Variants in TMEM167B observed in about 807,000 individuals in gnomAD.
TMEM167B encodes the protein transmembrane protein 167B, also known as protein kish-B.
TMEM167B carries 2 observed loss-of-function variants against 9.4 expected under a neutral mutation model. That is an observed-to-expected ratio of 0.21 (90% confidence interval 0.09 to 0.67). The LOEUF is 0.67. Among genes scored for constraint, TMEM167B ranks in the 30% least tolerant of loss-of-function variants. TMEM167B has a pLI of 0.82. For synonymous variants in TMEM167B, 28 were observed against 32.0 expected, an observed-to-expected ratio of 0.87 and a Z score of 0.42; for missense variants, 68 against 87.6, an observed-to-expected ratio of 0.78 and a Z score of 0.89.
chr1:109,094,490 T>A lies in TMEM167B; in HGVS notation c.216T>A (p.Phe72Leu), dbSNP rs1570558559. The part of the protein sequence containing the change: ...ACVVMAFYVL[F>L]IK ...TTGTAATGGCCTTTTACGTCCTGTT[T>A]ATAAAATGAATTCCAAAGCACCCAA... Residue 72 changes from phenylalanine to leucine, a missense_variant, in exon 3 of 3, where the codon TTT becomes TTA. Physicochemically the swap from Phe to Leu is conservative, Grantham distance 22. Coordinates refer to ENST00000338272, the MANE Select transcript of TMEM167B (RefSeq NM_020141.4). The A allele has an allele frequency of 6.2e-7, 1 of 1,613,930 alleles. No homozygotes were observed.
intron 1 of TMEM167B, among the ~76,000 whole-genome samples, chr1:109,091,140 C>T (rs557163341): frequency 6.6e-6 from 1 of 152,264 alleles, no homozygotes; most frequent in East Asian, 1.9e-4. Flanking sequence ...TTTTCTTTTT[C>T]TTAGTTCTTT....
At chr1:109,091,084 C>T (rs374289921) in intron 1 of TMEM167B, among the ~76,000 whole-genome samples, 77 of 152,192 alleles carry the variant, frequency 5.1e-4, no homozygotes, top group African/African-American at 1.8e-3. Context: ...CCCAGTGCCT[C>T]TTATGCTCAC....
At chr1:109,092,064 G>T (rs1413965336) in intron 1 of TMEM167B, among the ~76,000 whole-genome samples, 1 of 152,102 alleles carries the variant, frequency 6.6e-6, no homozygotes, top group African/African-American at 2.4e-5. Flanking sequence ...ATATCTTCTT[G>T]TTTTTTGCAA....
In TMEM167B at chr1:109,095,373, A is replaced by G. The variant is rs1297960325; in HGVS notation, c.*874A>G. On this transcript the variant is annotated 3_prime_UTR_variant, in exon 3 of 3. Transcript: ENST00000338272. ...GCCACGACTAGGGGAAAAAGAAACT[A>G]TTGAAGAAATAATTGTTTAGTATAT... 3.9e-5 allele frequency: 6 copies of G among 152,202 alleles called. No individual in the cohort carries two copies. Among genetic ancestry groups the G allele is most frequent in the African/African-American group, 2.4e-5 (1 of 41,446 alleles). The allele number at this position is 152,202 out of a possible 1,614,324, so 9.4% of individuals were successfully genotyped here.
chr1:109,091,335 C>A (rs1221898929), intron 1 of TMEM167B, among the ~76,000 whole-genome samples: 2 of 152,166 alleles, frequency 1.3e-5, no homozygotes, highest in African/African-American at 2.4e-5. Flanking sequence ...GTAGACCCCA[C>A]AAAAGCTTCT....
At chr1:109,092,286 G>C (rs1191792284) in intron 1 of TMEM167B, among the ~76,000 whole-genome samples, 1 of 152,112 alleles carries the variant, frequency 6.6e-6, no homozygotes, top group Non-Finnish European at 1.5e-5. Flanking sequence ...TAGTCATGTG[G>C]ATTCTTACTC....
chr1:109,090,917 G>A, intron 1 of TMEM167B, 35 bp downstream of exon 1: 1 of 1,574,982 alleles, frequency 6.3e-7, no homozygotes, highest in Non-Finnish European at 8.6e-7. Flanking sequence ...GGGTGGGAGT[G>A]AAGGACGAAG....
At chr1:109,093,427 G>A (rs1664497209) in intron 2 of TMEM167B, 1 of 166,806 alleles carries the variant, frequency 6.0e-6, no homozygotes, top group South Asian at 1.4e-4. Flanking sequence ...AGGAGGTTGA[G>A]GCTGCAGTGA....
In TMEM167B at chr1:109,094,645, G is replaced by T; in HGVS notation, c.*146G>T. 1.4e-6 allele frequency: 1 copy of T among 712,626 alleles called. No individual in the cohort carries two copies. The highest frequency in any genetic ancestry group is 2.4e-6 in the Non-Finnish European group (1 of 418,548). 44.1% of individuals were successfully genotyped at this position (712,626 alleles called of 1,614,324 possible). A position where few individuals can be genotyped will look rare whatever the true frequency, so the allele number is the denominator to read the frequency against. On this transcript the variant is annotated 3_prime_UTR_variant, in exon 3 of 3. Transcript: ENST00000338272. Reference sequence around the variant, plus strand: ...CAGCATCTGCCCCTGCTATATGTGGGGAAAACTCATGGTCACGAACATTAT... The same window carrying T: ...CAGCATCTGCCCCTGCTATATGTGGTGAAAACTCATGGTCACGAACATTAT...
Position 109,092,282 on chromosome 1 carries a change from T to G in TMEM167B, c.11-608T>G, listed in dbSNP as rs575279259. On this transcript the variant is annotated intron_variant, in intron 1 of 2. Coordinates refer to ENST00000338272, the MANE Select transcript of TMEM167B (RefSeq NM_020141.4). ...GATAATGATAGGAAAATTGTAGTCA[T>G]GTGGATTCTTACTCTTGCAACTTTC... is the stretch of plus-strand genomic sequence containing the variant. 7.6e-4 allele frequency among the ~76,000 whole-genome samples: 116 copies of G among 152,348 alleles called. 1 individual carries two copies. Among genetic ancestry groups the G allele is most frequent in the Non-Finnish European group, 1.4e-3 (93 of 68,028 alleles).
rs990043607 is a variant in TMEM167B, at chr1:109,095,656, A to G, written c.*1157A>G. 3 of 152,234 alleles carry G rather than the reference A, an allele frequency of 2.0e-5. No homozygotes were observed. The highest frequency in any genetic ancestry group is 2.9e-5 in the Non-Finnish European group (2 of 68,034). 9.4% of individuals were successfully genotyped at this position (152,234 alleles called of 1,614,324 possible). ...TCTATTTACTTTAAGGACATGAGAA[A>G]TTCAAATGAGAGAAGTTGCTGATAT... is the stretch of plus-strand genomic sequence containing the variant. On this transcript the variant is annotated 3_prime_UTR_variant, in exon 3 of 3. Transcript: ENST00000338272.
In TMEM167B at chr1:109,094,706, T is replaced by A; in HGVS notation, c.*207T>A. On this transcript the variant is annotated 3_prime_UTR_variant, in exon 3 of 3. Transcript: ENST00000338272. ...GGGGACTACAGAAAGCCAGCTTCCT[T>A]TGATCTATGTGTAAATCAGTCCTTG... The A allele has an allele frequency of 1.7e-6, 1 of 585,062 alleles. No individual in the cohort carries two copies. Among genetic ancestry groups the A allele is most frequent in the Non-Finnish European group, 3.0e-6 (1 of 328,770 alleles). The allele number at this position is 585,062 out of a possible 1,614,324, so 36.2% of individuals were successfully genotyped here. A position where few individuals can be genotyped will look rare whatever the true frequency, so the allele number is the denominator to read the frequency against.
chr1:109,090,799 A>G lies in TMEM167B; in HGVS notation c.-74A>G. On this transcript the variant is annotated 5_prime_UTR_variant, in exon 1 of 3. Transcript: ENST00000338272. ...CCTCGGCCCGGATCGGGAAGTGTCA[A>G]GCGGGCGCTCCCCCATCTCCGCCGC... 1 of 1,543,776 alleles carries G rather than the reference A, an allele frequency of 6.5e-7. No homozygotes were observed. Among genetic ancestry groups the G allele is most frequent in the Non-Finnish European group, 8.8e-7 (1 of 1,138,972 alleles).
chr1:109,094,526 G>A lies in TMEM167B; in HGVS notation c.*27G>A. 1 of 1,609,208 alleles carries A rather than the reference G, an allele frequency of 6.2e-7. No homozygotes were observed. The highest frequency in any genetic ancestry group is 8.5e-7 in the Non-Finnish European group (1 of 1,176,384). On this transcript the variant is annotated 3_prime_UTR_variant, in exon 3 of 3. Transcript: ENST00000338272. ...TTCCAAAGCACCCAAGTCATCAACT[G>A]CCAACCAAGGGGACGGGGATGAAGA...
chr1:109,093,030 ATGTC>A lies in TMEM167B; in HGVS notation c.142+12_142+15del. 1 of 1,614,050 alleles carries A rather than the reference ATGTC, an allele frequency of 6.2e-7. No homozygotes were observed. Among genetic ancestry groups the A allele is most frequent in the Non-Finnish European group, 8.5e-7 (1 of 1,179,974 alleles). On this transcript the variant is annotated intron_variant, in intron 2 of 2. Transcript: ENST00000338272. Reference sequence around the variant, plus strand: ...GGGTGTGTTTTACAAAGGTGAGGCCATGTCTGGACAGGGAGAAGAGACTGCCATC... The same window carrying A: ...GGGTGTGTTTTACAAAGGTGAGGCCATGGACAGGGAGAAGAGACTGCCATC...
At chr1:109,094,317 T>G in intron 2 of TMEM167B, 100 bp from the exon 3 acceptor site, 720 of 1,149,286 alleles carry the variant, frequency 6.3e-4, no homozygotes, top group Non-Finnish European at 8.0e-4. Flanking sequence ...TTGAGAGCGT[T>G]GATATGTCTG....
chr1:109,094,655 T>C lies in TMEM167B; in HGVS notation c.*156T>C. ...CCCTGCTATATGTGGGGAAAACTCA[T>C]GGTCACGAACATTATTTATGCTTCA... is the stretch of plus-strand genomic sequence containing the variant. On this transcript the variant is annotated 3_prime_UTR_variant, in exon 3 of 3. Transcript: ENST00000338272. 4.5e-6 allele frequency: 3 copies of C among 671,064 alleles called. No homozygotes were observed. In the South Asian group the frequency reaches 5.4e-5, roughly 12 times the overall value. The allele number at this position is 671,064 out of a possible 1,614,324, so 41.6% of individuals were successfully genotyped here. A position where few individuals can be genotyped will look rare whatever the true frequency, so the allele number is the denominator to read the frequency against.
At chr1:109,094,315 G>T in intron 2 of TMEM167B, 102 bp from the exon 3 acceptor site, 1 of 1,155,484 alleles carries the variant, frequency 8.7e-7, no homozygotes, top group Non-Finnish European at 1.3e-6. Flanking sequence ...CCTTGAGAGC[G>T]TTGATATGTC....
intron 1 of TMEM167B, among the ~76,000 whole-genome samples, chr1:109,092,326 C>G (rs1179533769): frequency 2.0e-5 from 3 of 152,066 alleles, no homozygotes; most frequent in Non-Finnish European, 4.4e-5. Flanking sequence ...TAATTTTTTG[C>G]CTTAACATAT....
Sources: gnomAD v4.1 joint callset for allele counts (sites outside exome capture counted in the v4.1 genomes callset) on GRCh38, gnomAD v4.1.1 for gene constraint, MANE v1.5 for transcripts, NCBI Gene and HGNC (gene_info 2026-07-23, HGNC 2026-07-21) for gene names.